The following SORCS3 variants were observed in gnomAD, a reference collection of about 807,000 sequenced individuals.
SORCS3 encodes VPS10 domain-containing receptor SorCS3.
In SORCS3, 57 loss-of-function variants were observed where a neutral mutation model predicts 146.3. The observed-to-expected ratio is 0.39, with a 90% CI of 0.31 to 0.49. The LOEUF is 0.49. Ranked by LOEUF, SORCS3 falls within the 20% of genes least tolerant of loss-of-function variation. The probability of loss-of-function intolerance (pLI) is 0.92; values close to 1 mark genes in which losing one functional copy is unlikely to be tolerated. For missense variants in SORCS3, 1,341 were observed against 1,575.5 expected, an observed-to-expected ratio of 0.85 and a Z score of 2.52; for synonymous variants, 653 against 618.5, an observed-to-expected ratio of 1.06 and a Z score of -0.83.
intron 5 of SORCS3, among the ~76,000 whole-genome samples, chr10:105,046,067 A>G (rs1354742255): frequency 6.6e-6 from 1 of 152,136 alleles, no homozygotes; most frequent in Non-Finnish European, 1.5e-5. Flanking sequence ...GCAAAACAAT[A>G]ACATGCATGA....
chr10:104,668,459 G>C (rs1454808845), intron 1 of SORCS3, among the ~76,000 whole-genome samples: 3 of 152,134 alleles, frequency 2.0e-5, no homozygotes, highest in Admixed American at 1.3e-4. Context: ...CCTCTTACTA[G>C]CTATATGGTC....
intron 5 of SORCS3, among the ~76,000 whole-genome samples, chr10:105,064,502 T>A (rs2133720947): frequency 6.6e-6 from 1 of 152,334 alleles, no homozygotes; most frequent in Non-Finnish European, 1.5e-5. Flanking sequence ...CCAGGGAAGC[T>A]GCTGGCATGG....
At chr10:105,212,265 G>T (rs948036709) in intron 17 of SORCS3, among the ~76,000 whole-genome samples, 1 of 152,174 alleles carries the variant, frequency 6.6e-6, no homozygotes, top group African/African-American at 2.4e-5. Context: ...GCTATTCCTG[G>T]AGCCTGAGCT....
At chr10:104,974,435 T>A (rs754351428) in intron 3 of SORCS3, among the ~76,000 whole-genome samples, 2 of 152,202 alleles carry the variant, frequency 1.3e-5, no homozygotes, top group African/African-American at 4.8e-5. Context: ...AATTGATCCC[T>A]TTACCATTAT....
chr10:104,810,595 A>G (rs561553846), intron 1 of SORCS3, among the ~76,000 whole-genome samples: 3 of 152,238 alleles, frequency 2.0e-5, no homozygotes, highest in Admixed American at 1.3e-4. Flanking sequence ...ATAATGCTTT[A>G]TGACCTTCCT....
chr10:104,844,403 T>C (rs1310104823), intron 2 of SORCS3, among the ~76,000 whole-genome samples: 1 of 152,180 alleles, frequency 6.6e-6, no homozygotes, highest in Non-Finnish European at 1.5e-5. Flanking sequence ...TACTCCATGT[T>C]GCAGAAAAGG....
intron 7 of SORCS3, among the ~76,000 whole-genome samples, chr10:105,128,877 T>G (rs2055995237): frequency 6.6e-6 from 1 of 152,194 alleles, no homozygotes; most frequent in Non-Finnish European, 1.5e-5. Context: ...TTTTATTATG[T>G]TGTTTATTCA....
At chr10:104,946,085 G>T (rs1193411272) in intron 3 of SORCS3, among the ~76,000 whole-genome samples, 6 of 151,900 alleles carry the variant, frequency 3.9e-5, no homozygotes, top group African/African-American at 1.2e-4. Flanking sequence ...CTCTGGTAGG[G>T]TACTGTTGAG....
At chr10:105,094,927 A>G (rs1244358589) in intron 6 of SORCS3, among the ~76,000 whole-genome samples, 1 of 152,198 alleles carries the variant, frequency 6.6e-6, no homozygotes, top group African/African-American at 2.4e-5. Flanking sequence ...AGGATCTATG[A>G]GGGAACAGGT....
Position 105,229,759 on chromosome 10 carries a change from A to C in SORCS3, c.2868+6510A>C, listed in dbSNP as rs567989178. 2.6e-5 allele frequency among the ~76,000 whole-genome samples: 4 copies of C among 152,246 alleles called. No homozygotes were observed. The South Asian group carries it at 8.3e-4, about 32-fold the overall frequency. On this transcript the variant is annotated intron_variant, in intron 20 of 26. Transcript: ENST00000369701. Reference sequence around the variant, plus strand: ...CTAGGGTAGCAGCAGTGGGCTGATTATGCCTATTTAGGGGCCTCAGAGCAG... The same window carrying C: ...CTAGGGTAGCAGCAGTGGGCTGATTCTGCCTATTTAGGGGCCTCAGAGCAG...
At chr10:105,115,029 A>G (rs1457527475) in intron 7 of SORCS3, among the ~76,000 whole-genome samples, 1 of 152,090 alleles carries the variant, frequency 6.6e-6, no homozygotes, top group Non-Finnish European at 1.5e-5. Context: ...ATTAACAGAT[A>G]CTTGTTGAGC....
intron 4 of SORCS3, among the ~76,000 whole-genome samples, chr10:105,029,659 ATC>A (rs917387015): frequency 3.9e-5 from 6 of 152,156 alleles, no homozygotes; most frequent in African/African-American, 1.2e-4. Flanking sequence ...GAGTCAAAAG[ATC>A]TCTGTCTTAA....
Position 104,862,201 on chromosome 10 carries a change from G to A in SORCS3, c.695+19342G>A, listed in dbSNP as rs143984760. On this transcript the variant is annotated intron_variant, in intron 2 of 26. Transcript: ENST00000369701. ...GCTGAAGGATGAGGAAGAGTTAACCGGGAGCTCAAGATTTGGGGAAAAGAG... is the reference window on the plus strand; with the variant it reads ...GCTGAAGGATGAGGAAGAGTTAACCAGGAGCTCAAGATTTGGGGAAAAGAG... Among the ~76,000 whole-genome samples, 140 of 152,250 alleles carry A rather than the reference G, an allele frequency of 9.2e-4. No homozygotes were observed. In the South Asian group the frequency reaches 9.8e-3, roughly 11 times the overall value.
At chr10:104,902,033 T>A (rs2018855969) in intron 2 of SORCS3, among the ~76,000 whole-genome samples, 1 of 152,126 alleles carries the variant, frequency 6.6e-6, no homozygotes, top group Non-Finnish European at 1.5e-5. Flanking sequence ...GGCAGGGACT[T>A]TTGAGATCAT....
chr10:105,100,208 C>T (rs1396554950), intron 6 of SORCS3, among the ~76,000 whole-genome samples: 2 of 152,088 alleles, frequency 1.3e-5, no homozygotes, highest in Non-Finnish European at 2.9e-5. Flanking sequence ...TTTGACTTTT[C>T]GTTTTTGTAA....
chr10:104,994,881 A>G (rs2055015089), intron 4 of SORCS3, among the ~76,000 whole-genome samples: 2 of 152,220 alleles, frequency 1.3e-5, no homozygotes, highest in Non-Finnish European at 2.9e-5. Context: ...CTAGGAAAAT[A>G]AAGTTGCAAT....
intron 2 of SORCS3, among the ~76,000 whole-genome samples, chr10:104,898,104 G>C (rs898972034): frequency 6.6e-6 from 1 of 152,148 alleles, no homozygotes. Context: ...TCTGAAGAAC[G>C]TGAGTTCTAA....
chr10:104,953,266 T>C (rs1400296764), intron 3 of SORCS3, among the ~76,000 whole-genome samples: 1 of 152,222 alleles, frequency 6.6e-6, no homozygotes, highest in East Asian at 1.9e-4. Flanking sequence ...TTCCATTTTG[T>C]ATACTGTGAG....
At chr10:104,709,849 C>T (rs1374229403) in intron 1 of SORCS3, among the ~76,000 whole-genome samples, 1 of 150,698 alleles carries the variant, frequency 6.6e-6, no homozygotes, top group Non-Finnish European at 1.5e-5. Context: ...AATAATGTGT[C>T]CAATTTGGTG....
Sources: allele counts gnomAD v4.1 joint callset (sites outside exome capture counted in the v4.1 genomes callset), GRCh38; gene constraint gnomAD v4.1.1; transcripts MANE v1.5; gene names NCBI Gene and HGNC (gene_info 2026-07-23, HGNC 2026-07-21).